Variants in AGO2 observed in about 807,000 individuals in gnomAD.
AGO2 encodes argonaute RISC catalytic component 2, also known as protein argonaute-2.
In AGO2, 5 loss-of-function variants were observed where a neutral mutation model predicts 102.3. That is an observed-to-expected ratio of 0.05 (90% CI 0.03 to 0.10). AGO2 has a LOEUF of 0.10. Among genes scored for constraint, AGO2 ranks in the 10% least tolerant of loss-of-function variants. The pLI is 1.00. For synonymous variants in AGO2, 449 were observed against 473.1 expected (o/e 0.95, Z 0.66); for missense variants, 541 against 1,183.7 (o/e 0.46, Z 7.97).
intron 3 of AGO2, among the ~76,000 whole-genome samples, chr8:140,569,749 G>A (rs961547117): frequency 2.6e-5 from 4 of 152,286 alleles, no homozygotes; most frequent in Admixed American, 6.5e-5. Flanking sequence ...GAGGCTGGGC[G>A]GTCCCAGCGT....
upstream of AGO2, among the ~76,000 whole-genome samples, chr8:140,638,767 G>C (rs1373483548): frequency 6.6e-6 from 1 of 152,046 alleles, no homozygotes; most frequent in African/African-American, 2.4e-5. Context: ...GTAGAGACAG[G>C]TCTCACTGTG....
At chr8:140,560,578 G>T in intron 4 of AGO2, 68 bp from the exon 5 acceptor site, 5 of 1,558,600 alleles carry the variant, frequency 3.2e-6, no homozygotes, top group Non-Finnish European at 3.5e-6. Flanking sequence ...CTGCCTCTGG[G>T]TGGGCTTCGC....
intron 5 of AGO2, 120 bp downstream of exon 5, chr8:140,560,254 C>T (rs969049446): frequency 8.7e-5 from 124 of 1,424,202 alleles, no homozygotes; most frequent in African/African-American, 2.1e-4. Flanking sequence ...CACGCAGCGG[C>T]GCTGGCTCTG....
chr8:140,599,341 A>G (rs1358278562), intron 1 of AGO2, among the ~76,000 whole-genome samples: 1 of 152,236 alleles, frequency 6.6e-6, no homozygotes, highest in Admixed American at 6.5e-5. Context: ...GGGGGAAGCC[A>G]AAGTAACCAC....
intron 1 of AGO2, among the ~76,000 whole-genome samples, chr8:140,608,659 G>A (rs529561155): frequency 5.3e-5 from 8 of 152,318 alleles, no homozygotes; most frequent in South Asian, 4.1e-4. Flanking sequence ...GACAATCCAC[G>A]GGGAAGTGCC....
Position 140,539,551 on chromosome 8 carries a change from G to C in AGO2, c.2035-97C>G. 1.4e-6 allele frequency: 2 copies of C among 1,415,118 alleles called. No homozygotes were observed. Among genetic ancestry groups the C allele is most frequent in the Admixed American group, 4.3e-5 (2 of 46,942 alleles). The allele number at this position is 1,415,118 out of a possible 1,614,324, so 87.7% of individuals were successfully genotyped here. A position where few individuals can be genotyped will look rare whatever the true frequency, so the allele number is the denominator to read the frequency against. On this transcript the variant is annotated intron_variant, in intron 15 of 18. Coordinates refer to ENST00000220592, the MANE Select transcript of AGO2 (RefSeq NM_012154.5). The surrounding 1 kb of genome is among the most constrained non-coding windows in gnomAD (Gnocchi z 4.7). ...TTCTGGGTTGAGAACACCCAGCCGT[G>C]GTGATTCTGAGAGACAATGAGTGTG... is the stretch of plus-strand genomic sequence containing the variant.
intron 2 of AGO2, among the ~76,000 whole-genome samples, chr8:140,583,247 C>T (rs2073585325): frequency 6.6e-6 from 1 of 152,234 alleles, no homozygotes; most frequent in Non-Finnish European, 1.5e-5. Context: ...GGCTTTCAGA[C>T]TTGGCCTGAG....
chr8:140,637,607 G>GCAGT (rs1365604477), upstream of AGO2: 4 of 152,330 alleles, frequency 2.6e-5, no homozygotes, highest in African/African-American at 7.2e-5. Context: ...CAGGGCCCAT[G>GCAGT]CAGTCACTGG....
intron 1 of AGO2, among the ~76,000 whole-genome samples, chr8:140,628,858 C>T (rs537804908): frequency 8.6e-5 from 13 of 151,996 alleles, no homozygotes; most frequent in African/African-American, 3.1e-4. Flanking sequence ...GGCTGAGCCA[C>T]CGTGGATCAC....
chr8:140,623,761 C>G (rs995191744), intron 1 of AGO2, among the ~76,000 whole-genome samples: 28 of 152,154 alleles, frequency 1.8e-4, no homozygotes, highest in African/African-American at 6.3e-4. Flanking sequence ...ATCCCAAACA[C>G]AGCCCTGGGA....
chr8:140,557,033 G>C lies in AGO2; in HGVS notation c.1026+56C>G. 6.4e-7 allele frequency: 1 copy of C among 1,568,616 alleles called. No homozygotes were observed. The highest frequency in any genetic ancestry group is 1.8e-5 in the Admixed American group (1 of 55,172). On this transcript the variant is annotated intron_variant, in intron 8 of 18. Coordinates refer to ENST00000220592, the MANE Select transcript of AGO2 (RefSeq NM_012154.5). This position sits in a 1 kb window ranked among gnomAD's most constrained non-coding sequence, Gnocchi z 5.9. ...CGGTTTCTCGAAGCTGCATGCCCCA[G>C]CCTGGGACGCCGCCCTCCCAAGCCC...
chr8:140,578,547 C>T (rs1411664889), intron 2 of AGO2, among the ~76,000 whole-genome samples: 5 of 152,344 alleles, frequency 3.3e-5, no homozygotes, highest in African/African-American at 4.8e-5. Context: ...AGTGAGCAAG[C>T]GTCCCTGCTT....
intron 1 of AGO2, among the ~76,000 whole-genome samples, chr8:140,625,020 T>C (rs2074258591): frequency 6.6e-6 from 1 of 152,106 alleles, no homozygotes; most frequent in Admixed American, 6.5e-5. Flanking sequence ...CCTCCCTGCT[T>C]CCACCCCACC....
In AGO2 at chr8:140,629,523, C is replaced by T. The variant is rs545170858; in HGVS notation, c.22+5962G>A. Among the ~76,000 whole-genome samples the T allele has an allele frequency of 1.4e-3, 207 of 152,164 alleles. 1 individual carries two copies. The highest frequency in any genetic ancestry group is 3.4e-3 in the Middle Eastern group (1 of 294). On this transcript the variant is annotated intron_variant, in intron 1 of 18. Transcript: ENST00000220592. ...AGTTCTGACCAGACTCCTGTCTGTCCATCTCGATGACAGTGAGAAGATGAA... is the reference window on the plus strand; with the variant it reads ...AGTTCTGACCAGACTCCTGTCTGTCTATCTCGATGACAGTGAGAAGATGAA...
At chr8:140,585,432 A>T in intron 1 of AGO2, 121 bp from the exon 2 acceptor site, 1 of 1,111,040 alleles carries the variant, frequency 9.0e-7, no homozygotes, top group Non-Finnish European at 1.3e-6. Context: ...GTCCAGGCCA[A>T]TATTGCATTC....
chr8:140,538,201 A>G (rs2072731197), intron 16 of AGO2, among the ~76,000 whole-genome samples: 1 of 152,162 alleles, frequency 6.6e-6, no homozygotes, highest in South Asian at 2.1e-4. Flanking sequence ...TTCCATTTGC[A>G]CAGTAAACCT....
upstream of AGO2, chr8:140,638,295 CAT>C (rs2074422672): frequency 6.6e-6 from 1 of 152,218 alleles, no homozygotes; most frequent in Admixed American, 6.5e-5. Context: ...ATGTTCTGCA[CAT>C]GATTAAAGCA....
intron 18 of AGO2, 28 bp from the exon 19 acceptor site, chr8:140,532,180 A>T: frequency 6.3e-7 from 1 of 1,596,644 alleles, no homozygotes; most frequent in Non-Finnish European, 8.6e-7. Context: ...AGAGAGAATG[A>T]GAATGTGCAG....
At chr8:140,585,373 T>C (rs1034586568) in intron 1 of AGO2, 62 bp from the exon 2 acceptor site, 1 of 1,541,210 alleles carries the variant, frequency 6.5e-7, no homozygotes, top group South Asian at 1.2e-5. Context: ...GCCCTTCCCA[T>C]CCCGCGGCCC....
Sources: gnomAD v4.1 joint callset for allele counts (sites outside exome capture counted in the v4.1 genomes callset) on GRCh38, gnomAD v4.1.1 for gene constraint, Gnocchi (gnomAD v3.1) non-coding constraint, MANE v1.5 for transcripts, NCBI Gene and HGNC (gene_info 2026-07-23, HGNC 2026-07-21) for gene names.